CDKN2B-AS1: variants seen among roughly 807,000 people sequenced by gnomAD.
CDKN2B-AS1 encodes CDKN2B and CDKN2A antisense cis and trans regulatory RNA 1.
At chr9:22,028,064 G>A (rs887192649) in intron 1 of CDKN2B-AS1, among the ~76,000 whole-genome samples, 2 of 152,014 alleles carry the variant, frequency 1.3e-5, no homozygotes, top group Non-Finnish European at 2.9e-5. Flanking sequence ...ATAGAGACTT[G>A]TCTGACAAAT....
chr9:22,109,726 G>A (rs1020786792), intron 4 of CDKN2B-AS1, among the ~76,000 whole-genome samples: 1 of 152,044 alleles, frequency 6.6e-6, no homozygotes, highest in Non-Finnish European at 1.5e-5. Flanking sequence ...CCAGGAATTT[G>A]GCCTTAAAAG....
chr9:22,019,867 T>A (rs1821943587), intron 1 of CDKN2B-AS1, among the ~76,000 whole-genome samples: 1 of 152,178 alleles, frequency 6.6e-6, no homozygotes, highest in Non-Finnish European at 1.5e-5. Flanking sequence ...TACCAAACCC[T>A]TTAAAAAAAA....
At chr9:22,008,963 C>T (rs1821346378) in intron 1 of CDKN2B-AS1, 1 of 1,613,240 alleles carries the variant, frequency 6.2e-7, no homozygotes, top group Middle Eastern at 1.7e-4. Flanking sequence ...TTCCGCAGCC[C>T]CCAGACGCGC....
At chr9:22,016,926 A>G (rs1821788818) in intron 1 of CDKN2B-AS1, among the ~76,000 whole-genome samples, 1 of 152,230 alleles carries the variant, frequency 6.6e-6, no homozygotes, top group Non-Finnish European at 1.5e-5. Context: ...CCTGTTGATG[A>G]TCAAGCTCTA....
intron 1 of CDKN2B-AS1, among the ~76,000 whole-genome samples, chr9:22,043,437 C>T (rs909370708): frequency 2.0e-5 from 3 of 151,878 alleles, no homozygotes; most frequent in African/African-American, 7.3e-5. Context: ...CACACATGCG[C>T]TGTTTTGATT....
At chr9:22,044,345 A>G (rs966074209) in intron 1 of CDKN2B-AS1, among the ~76,000 whole-genome samples, 1 of 152,048 alleles carries the variant, frequency 6.6e-6, no homozygotes, top group Non-Finnish European at 1.5e-5. Context: ...AGAATATCCT[A>G]TAATTAAGTT....
At chr9:22,018,051 A>C (rs1189233101) in intron 1 of CDKN2B-AS1, among the ~76,000 whole-genome samples, 5 of 152,170 alleles carry the variant, frequency 3.3e-5, no homozygotes, top group Non-Finnish European at 7.4e-5. Flanking sequence ...CATTTTCTAA[A>C]AGTGGCTCAC....
chr9:22,094,329 G>A (rs895180266), intron 4 of CDKN2B-AS1, among the ~76,000 whole-genome samples: 1 of 143,276 alleles, frequency 7.0e-6, no homozygotes, highest in Non-Finnish European at 1.5e-5. Context: ...TATCTTTGTG[G>A]CATTCTCTGT....
intron 4 of CDKN2B-AS1, chr9:22,119,186 G>A (rs1437753227): frequency 6.6e-6 from 1 of 151,952 alleles, no homozygotes; most frequent in Non-Finnish European, 1.5e-5. Flanking sequence ...ATAATATATA[G>A]TACACTGTGT....
At chr9:22,050,314 C>A (rs1011077522) in intron 3 of CDKN2B-AS1, among the ~76,000 whole-genome samples, 1 of 152,204 alleles carries the variant, frequency 6.6e-6, no homozygotes, top group African/African-American at 2.4e-5. Context: ...TGGCCAGAGG[C>A]CTTGCAATTG....
Position 22,005,934 on chromosome 9 carries a change from T to C in CDKN2B-AS1, n.29+10773T>C. On this transcript the variant is annotated intron_variant and non_coding_transcript_variant, in intron 1 of 4. Coordinates refer to ENST00000650946, the Ensembl canonical transcript of CDKN2B-AS1. This position sits in a 1 kb window ranked among gnomAD's most constrained non-coding sequence, Gnocchi z 4.9. ...CTTCATCGAATTAGGTGGGTGGGGG[T>C]GGGAAATTGGGTAAGAAAATAAAGT... 6.3e-7 allele frequency: 1 copy of C among 1,576,162 alleles called. No individual in the cohort carries two copies. The highest frequency in any genetic ancestry group is 8.5e-7 in the Non-Finnish European group (1 of 1,170,114).
intron 4 of CDKN2B-AS1, among the ~76,000 whole-genome samples, chr9:22,090,177 A>G (rs554030468): frequency 5.1e-4 from 78 of 152,242 alleles, no homozygotes; most frequent in African/African-American, 1.8e-3. Flanking sequence ...TTATGGCTGC[A>G]TAGTATTCCA....
At chr9:22,081,744 C>G (rs1038117158) in intron 4 of CDKN2B-AS1, among the ~76,000 whole-genome samples, 5 of 152,222 alleles carry the variant, frequency 3.3e-5, no homozygotes, top group Admixed American at 1.3e-4. Context: ...TTCCCTCTGA[C>G]TCAGTTTCCC....
rs72655409 is a variant in CDKN2B-AS1 at position 22,126,302 on chromosome 9, T to C, written n.439-801T>C. 9.2e-5 allele frequency among the ~76,000 whole-genome samples: 14 copies of C among 152,328 alleles called. No homozygotes were observed. In the South Asian group the frequency reaches 1.9e-3, roughly 20 times the overall value. ...TGAAAGGGTACATAAGAAAATGTGATAGTCGTTTCCTCTGGAGAATAAAAT... is the reference window on the plus strand; with the variant it reads ...TGAAAGGGTACATAAGAAAATGTGACAGTCGTTTCCTCTGGAGAATAAAAT... On this transcript the variant is annotated intron_variant and non_coding_transcript_variant, in intron 4 of 4. Coordinates refer to ENST00000650946, the Ensembl canonical transcript of CDKN2B-AS1.
chr9:22,052,665 C>T (rs534927246), intron 3 of CDKN2B-AS1, among the ~76,000 whole-genome samples: 1 of 152,328 alleles, frequency 6.6e-6, no homozygotes, highest in African/African-American at 2.4e-5. Flanking sequence ...CCTGGTTTAT[C>T]CCAGGACATT....
intron 1 of CDKN2B-AS1, chr9:22,004,904 A>C (rs1255061692): frequency 4.3e-6 from 1 of 233,214 alleles, no homozygotes; most frequent in African/African-American, 2.2e-5. Flanking sequence ...GGTTAAGAAG[A>C]AAGCAATCTA....
In CDKN2B-AS1 at chr9:22,005,615, G is replaced by C. The variant is rs557999070; in HGVS notation, n.29+10454G>C. On this transcript the variant is annotated intron_variant and non_coding_transcript_variant, in intron 1 of 4. Transcript: ENST00000650946. The surrounding 1 kb of genome is among the most constrained non-coding windows in gnomAD (Gnocchi z 4.9). The stretch of plus-strand genomic sequence containing the variant: ...TAATCACTGCCTTCTCCCACTCAGC[G>C]CTGGAGTGGGAGATTCATCCATCGG... 2.2e-6 allele frequency: 1 copy of C among 445,384 alleles called. No homozygotes were observed. The highest frequency in any genetic ancestry group is 4.2e-6 in the Non-Finnish European group (1 of 239,416). 27.6% of individuals were successfully genotyped at this position (445,384 alleles called of 1,614,324 possible). A position where few individuals can be genotyped will look rare whatever the true frequency, so the allele number is the denominator to read the frequency against.
chr9:22,115,863 G>A (rs1563990847), intron 4 of CDKN2B-AS1, among the ~76,000 whole-genome samples: 2 of 152,120 alleles, frequency 1.3e-5, no homozygotes, highest in Admixed American at 6.6e-5. Context: ...GAATTAGGAT[G>A]AAAAATTCAT....
At chr9:22,076,123 A>G (rs1824482342) in intron 4 of CDKN2B-AS1, among the ~76,000 whole-genome samples, 1 of 151,952 alleles carries the variant, frequency 6.6e-6, no homozygotes. Context: ...CCACGATTTC[A>G]GCTCACTCCA....
Sources: allele counts gnomAD v4.1 joint callset (sites outside exome capture counted in the v4.1 genomes callset), GRCh38; gene constraint gnomAD v4.1.1; non-coding constraint Gnocchi (gnomAD v3.1); transcripts MANE v1.5; gene names NCBI Gene and HGNC (gene_info 2026-07-23, HGNC 2026-07-21).